PLXDC2: variants seen among roughly 807,000 people sequenced by gnomAD.
PLXDC2 encodes plexin domain containing 2.
A neutral mutation model predicts 68.9 loss-of-function variants in PLXDC2; 40 were observed. That is an observed-to-expected ratio of 0.58 (90% CI 0.45 to 0.76). The LOEUF (loss-of-function observed/expected upper bound fraction) is 0.76, where lower values mean the gene tolerates loss of function less well. Ranked by LOEUF, PLXDC2 falls within the 30% of genes least tolerant of loss-of-function variation. The probability of loss-of-function intolerance (pLI) is 0.00; values close to 1 mark genes in which losing one functional copy is unlikely to be tolerated. For missense variants in PLXDC2, 644 were observed against 661.9 expected, an observed-to-expected ratio of 0.97 and a Z score of 0.30; for synonymous variants, 243 against 234.2, an observed-to-expected ratio of 1.04 and a Z score of -0.34.
chr10:20,127,275 G>A (rs757511051), intron 4 of PLXDC2, among the ~76,000 whole-genome samples: 4 of 152,116 alleles, frequency 2.6e-5, no homozygotes, highest in African/African-American at 2.4e-5. Flanking sequence ...AGGACATTGC[G>A]TGTTCTGATT....
chr10:20,065,747 A>G (rs1836197493), intron 3 of PLXDC2, among the ~76,000 whole-genome samples: 1 of 152,188 alleles, frequency 6.6e-6, no homozygotes, highest in Non-Finnish European at 1.5e-5. Flanking sequence ...TGTGCAGTTC[A>G]CAATAGGGCT....
At chr10:20,069,396 C>G (rs1349277676) in intron 4 of PLXDC2, among the ~76,000 whole-genome samples, 1 of 152,130 alleles carries the variant, frequency 6.6e-6, no homozygotes, top group Non-Finnish European at 1.5e-5. Flanking sequence ...GGTGCAGTGG[C>G]TCATACCTGT....
chr10:20,116,105 A>G lies in PLXDC2; in HGVS notation c.542-27190A>G, dbSNP rs557417611. ...CTCTACAAAAGCTGCATGTTAGGAA[A>G]CCAGGTTATCAATCACAAAAGACCT... On this transcript the variant is annotated intron_variant, in intron 4 of 13. Transcript: ENST00000377252. Among the ~76,000 whole-genome samples, 3 of 152,336 alleles carry G rather than the reference A, an allele frequency of 2.0e-5. No homozygotes were observed. In the South Asian group the frequency reaches 6.2e-4, roughly 32 times the overall value.
At chr10:20,194,365 G>C (rs981139331) in intron 9 of PLXDC2, among the ~76,000 whole-genome samples, 1 of 151,866 alleles carries the variant, frequency 6.6e-6, no homozygotes, top group African/African-American at 2.4e-5. Context: ...TCATCCTTAA[G>C]AGTTCAGATG....
chr10:19,989,950 A>G (rs569917455), intron 1 of PLXDC2, among the ~76,000 whole-genome samples: 20 of 152,030 alleles, frequency 1.3e-4, no homozygotes, highest in African/African-American at 4.3e-4. Context: ...AGGTTTTGCC[A>G]TGTTGGACAG....
intron 9 of PLXDC2, among the ~76,000 whole-genome samples, chr10:20,205,539 G>C (rs928281739): frequency 1.3e-5 from 2 of 151,746 alleles, no homozygotes; most frequent in African/African-American, 4.8e-5. Context: ...AAATGATAAG[G>C]GACTTTATGT....
At chr10:19,861,552 C>G (rs1293940759) in intron 1 of PLXDC2, among the ~76,000 whole-genome samples, 5 of 152,126 alleles carry the variant, frequency 3.3e-5, no homozygotes, top group African/African-American at 1.2e-4. Flanking sequence ...CAATTTATGC[C>G]TCTCCATTCT....
intron 4 of PLXDC2, among the ~76,000 whole-genome samples, chr10:20,123,259 G>A (rs1047124049): frequency 6.6e-6 from 1 of 152,090 alleles, no homozygotes; most frequent in Non-Finnish European, 1.5e-5. Flanking sequence ...TGTAGAAAAG[G>A]AACATTAGAA....
intron 1 of PLXDC2, among the ~76,000 whole-genome samples, chr10:19,899,572 C>T (rs997517976): frequency 1.8e-4 from 27 of 152,050 alleles, no homozygotes; most frequent in African/African-American, 5.6e-4. Context: ...CTTGAGTCAC[C>T]ACCAAGTATA....
At chr10:20,167,961 A>G (rs1419839161) in intron 7 of PLXDC2, among the ~76,000 whole-genome samples, 3 of 152,134 alleles carry the variant, frequency 2.0e-5, no homozygotes, top group Non-Finnish European at 2.9e-5. Context: ...AGACCCCCAA[A>G]TAGTAAATGA....
chr10:20,114,180 G>C (rs993052269), intron 4 of PLXDC2, among the ~76,000 whole-genome samples: 1 of 152,112 alleles, frequency 6.6e-6, no homozygotes, highest in African/African-American at 2.4e-5. Context: ...AGTCTTTGTT[G>C]AACTCTTCAG....
At chr10:19,832,559 T>A (rs1836715236) in intron 1 of PLXDC2, among the ~76,000 whole-genome samples, 1 of 152,244 alleles carries the variant, frequency 6.6e-6, no homozygotes, top group African/African-American at 2.4e-5. Context: ...AAAGTTCAAT[T>A]TGCATAATTT....
chr10:20,069,982 T>A (rs1038955741), intron 4 of PLXDC2, among the ~76,000 whole-genome samples: 4 of 152,210 alleles, frequency 2.6e-5, no homozygotes, highest in Non-Finnish European at 4.4e-5. Flanking sequence ...CTTGAGGATG[T>A]CAGAATTTCT....
intron 2 of PLXDC2, among the ~76,000 whole-genome samples, chr10:20,006,527 TCTC>T (rs1835031192): frequency 1.3e-5 from 2 of 152,152 alleles, no homozygotes; most frequent in African/African-American, 4.8e-5. Flanking sequence ...CCTCAGATGT[TCTC>T]CTCATTTTTT....
intron 1 of PLXDC2, among the ~76,000 whole-genome samples, chr10:19,853,391 T>G (rs1294077260): frequency 6.6e-6 from 1 of 151,968 alleles, no homozygotes; most frequent in East Asian, 1.9e-4. Flanking sequence ...TTCTCCTCCT[T>G]TATTTTTATT....
chr10:20,216,886 G>A (rs987492912), intron 10 of PLXDC2, among the ~76,000 whole-genome samples: 3 of 152,182 alleles, frequency 2.0e-5, no homozygotes, highest in African/African-American at 7.2e-5. Context: ...TGCTTATGTG[G>A]TTTTGAATAT....
chr10:19,826,056 T>G (rs1310463628), intron 1 of PLXDC2, among the ~76,000 whole-genome samples: 1 of 152,222 alleles, frequency 6.6e-6, no homozygotes, highest in Non-Finnish European at 1.5e-5. Flanking sequence ...TTGCAAAATA[T>G]CCCAATGAAA....
intron 1 of PLXDC2, among the ~76,000 whole-genome samples, chr10:19,849,871 G>A (rs182322285): frequency 1.4e-4 from 21 of 152,212 alleles, no homozygotes; most frequent in Non-Finnish European, 4.4e-5. Flanking sequence ...AGAAAGTGTA[G>A]GAGAAAATAA....
In PLXDC2 at chr10:19,859,401, T is replaced by G. The variant is rs1006477420; in HGVS notation, c.112+42210T>G. On this transcript the variant is annotated intron_variant, in intron 1 of 13. Coordinates refer to ENST00000377252, the MANE Select transcript of PLXDC2 (RefSeq NM_032812.9). ...CATCCTTTCCTTGCTACAATTTTTC[T>G]TGTTTCCAACACTCTTTTTTCAGAC... Among the ~76,000 whole-genome samples the G allele has an allele frequency of 3.9e-5, 6 of 152,346 alleles. No homozygotes were observed. The East Asian group carries it at 1.2e-3, about 29-fold the overall frequency.
Sources: gnomAD v4.1 joint callset for allele counts (sites outside exome capture counted in the v4.1 genomes callset) on GRCh38, gnomAD v4.1.1 for gene constraint, MANE v1.5 for transcripts, NCBI Gene and HGNC (gene_info 2026-07-23, HGNC 2026-07-21) for gene names.